The following KIAA0319 variants were observed in gnomAD, a reference collection of about 807,000 sequenced individuals.
KIAA0319 encodes dyslexia-associated protein KIAA0319.
A neutral mutation model predicts 108.4 loss-of-function variants in KIAA0319; 83 were observed. The ratio of observed to expected loss-of-function variants is 0.77; its 90% CI spans 0.64 to 0.92. KIAA0319 has a LOEUF of 0.92. Ranked by LOEUF, KIAA0319 falls within the 40% of genes least tolerant of loss-of-function variation. The pLI is 0.00. For synonymous variants in KIAA0319, 484 were observed against 510.4 expected (o/e 0.95, Z 0.70); for missense variants, 1,195 against 1,322.4 (o/e 0.90, Z 1.49).
In KIAA0319 at chr6:24,578,197, A is replaced by G. The variant is rs776207949; in HGVS notation, c.1418T>C (p.Ile473Thr). 6.2e-7 allele frequency: 1 copy of G among 1,608,544 alleles called. No homozygotes were observed. Among genetic ancestry groups the G allele is most frequent in the Non-Finnish European group, 8.5e-7 (1 of 1,175,270 alleles). The change falls in exon 9 of 21, where the codon ATA becomes ACA. Residue 473 changes from isoleucine to threonine, a missense_variant. Ile to Thr is a moderately conservative substitution (Grantham distance 89). Transcript: ENST00000378214. ...TEIVSYHWEEINGPFIEEKTS... is the reference protein window; with the variant it reads ...TEIVSYHWEETNGPFIEEKTS... The stretch of plus-strand genomic sequence containing the variant: ...CTTCTCTTCTATGAAGGGCCCGTTT[A>G]TTTCTTCCCAATGATAACTCACTAT...
chr6:24,627,012 G>A (rs562338339), intron 1 of KIAA0319, among the ~76,000 whole-genome samples: 59 of 152,200 alleles, frequency 3.9e-4, no homozygotes, highest in African/African-American at 1.3e-3. Flanking sequence ...GATAATTCAT[G>A]AGCACTTCAC....
intron 19 of KIAA0319, among the ~76,000 whole-genome samples, chr6:24,552,898 C>A (rs1482233892): frequency 3.9e-5 from 6 of 152,132 alleles, no homozygotes; most frequent in Non-Finnish European, 8.8e-5. Context: ...AGCCACCTAG[C>A]CCAGATTAAA....
chr6:24,602,964 T>A lies in KIAA0319; in HGVS notation c.-105-1756A>T, dbSNP rs146225857. Among the ~76,000 whole-genome samples, 449 of 152,312 alleles carry A rather than the reference T, an allele frequency of 2.9e-3. 1 individual carries two copies. Among genetic ancestry groups the A allele is most frequent in the African/African-American group, 0.01 (418 of 41,564 alleles). On this transcript the variant is annotated intron_variant, in intron 1 of 20. Transcript: ENST00000378214. ...ATACCTTCATGTGTCAGTTATATGTTCCTTTTTACATATGCACAAGAATGA... is the reference window on the plus strand; with the variant it reads ...ATACCTTCATGTGTCAGTTATATGTACCTTTTTACATATGCACAAGAATGA...
intron 2 of KIAA0319, among the ~76,000 whole-genome samples, chr6:24,600,044 A>C (rs1770393025): frequency 6.9e-6 from 1 of 144,832 alleles, no homozygotes; most frequent in Non-Finnish European, 1.5e-5. Flanking sequence ...AAAAAAAAAA[A>C]AGGAAGATGA....
intron 19 of KIAA0319, among the ~76,000 whole-genome samples, chr6:24,553,175 C>T (rs1253716163): frequency 1.3e-5 from 2 of 151,386 alleles, no homozygotes; most frequent in Non-Finnish European, 2.9e-5. Context: ...TATTGCTTTA[C>T]ATAATGAAAA....
intron 4 of KIAA0319, among the ~76,000 whole-genome samples, chr6:24,584,431 TAAAAAAAAAAA>T (rs5874993): frequency 1.1e-5 from 1 of 91,272 alleles, no homozygotes; most frequent in African/African-American, 4.6e-5. Context: ...AGCAAAGATT[TAAAAAAAAAAA>T]AAAAAAAAAA....
At chr6:24,566,310 G>A (rs1203886242) in intron 14 of KIAA0319, among the ~76,000 whole-genome samples, 1 of 152,206 alleles carries the variant, frequency 6.6e-6, no homozygotes, top group African/African-American at 2.4e-5. Context: ...GTCCTTATAA[G>A]AAGAGACACC....
At chr6:24,563,666 C>T (rs949912852) in intron 15 of KIAA0319, 148 bp from the exon 16 acceptor site, 9 of 611,360 alleles carry the variant, frequency 1.5e-5, no homozygotes, top group Middle Eastern at 2.9e-4. Context: ...TTCTAAACAC[C>T]GCAAAGGCCA....
Position 24,599,696 on chromosome 6 carries a change from C to T in KIAA0319, c.55+1353G>A, listed in dbSNP as rs1770315375. 1.7e-6 allele frequency: 1 copy of T among 601,518 alleles called. No individual in the cohort carries two copies. The highest frequency in any genetic ancestry group is 3.1e-6 in the Non-Finnish European group (1 of 326,238). 37.3% of individuals were successfully genotyped at this position (601,518 alleles called of 1,614,324 possible). A position where few individuals can be genotyped will look rare whatever the true frequency, so the allele number is the denominator to read the frequency against. Reference sequence around the variant, plus strand: ...CTGGCGGGTGCTCCAGCTCCTTCAGCAGCACCAACTCCTTCAGGGCCATGG... The same window carrying T: ...CTGGCGGGTGCTCCAGCTCCTTCAGTAGCACCAACTCCTTCAGGGCCATGG... On this transcript the variant is annotated intron_variant, in intron 2 of 20. Coordinates refer to ENST00000378214, the MANE Select transcript of KIAA0319 (RefSeq NM_014809.4). The surrounding 1 kb of genome is among the most constrained non-coding windows in gnomAD (Gnocchi z 4.1).
At position 24,578,661 on chromosome 6, in the gene KIAA0319, A is replaced by G. The variant is rs73727993; in HGVS notation, c.1373-419T>C. Among the ~76,000 whole-genome samples the G allele has an allele frequency of 5.2e-3, 798 of 152,360 alleles. 9 individuals are homozygous for G. The highest frequency in any genetic ancestry group is 0.018 in the African/African-American group (755 of 41,588). ...TTCTACAACTTACAAAACATCTTTT[A>G]CTACCTTAATTATTAAGGGGTAAAT... On this transcript the variant is annotated intron_variant, in intron 8 of 20. Transcript: ENST00000378214.
rs1770200932 is a variant in KIAA0319 at position 24,599,070 on chromosome 6, T to C, written c.55+1979A>G. ...GATCCAGGAGCTGCAGTCCCAGATC[T>C]GGGACACATCTGTGGTGCTGTCCAT... On this transcript the variant is annotated intron_variant, in intron 2 of 20. Transcript: ENST00000378214. The surrounding 1 kb of genome is among the most constrained non-coding windows in gnomAD (Gnocchi z 4.1). 4.0e-6 allele frequency: 3 copies of C among 742,792 alleles called. No homozygotes were observed. The highest frequency in any genetic ancestry group is 5.2e-5 in the East Asian group (2 of 38,806). 46.0% of individuals were successfully genotyped at this position (742,792 alleles called of 1,614,324 possible).
chr6:24,550,455 G>A (rs1217386497), intron 20 of KIAA0319, among the ~76,000 whole-genome samples: 5 of 152,232 alleles, frequency 3.3e-5, no homozygotes, highest in Admixed American at 3.3e-4. Flanking sequence ...GTGTTTAGCA[G>A]CCTCAGAGGG....
chr6:24,617,218 T>A (rs1434560628), intron 1 of KIAA0319, among the ~76,000 whole-genome samples: 1 of 152,046 alleles, frequency 6.6e-6, no homozygotes, highest in African/African-American at 2.4e-5. Flanking sequence ...TGTCCAATAT[T>A]AGGATATGAT....
At position 24,596,207 on chromosome 6, in the gene KIAA0319, T is replaced by C. The variant is rs1398942254; in HGVS notation, c.467A>G (p.Tyr156Cys). ...CTCCAGCTCCCGGTAGTCATCTGAG[T>C]ACTCAGACATCTCCTCTAGGCCCCA... ...KDWGLEEMSE[Y>C]SDDYRELEKD... The change falls in exon 3 of 21, where the codon TAC becomes TGC. Residue 156 changes from tyrosine (Y) to cysteine (C), a missense_variant. Physicochemically the swap from Tyr to Cys is radical, Grantham distance 194. Transcript: ENST00000378214. 3 of 1,614,152 alleles carry C rather than the reference T, an allele frequency of 1.9e-6. No individual in the cohort carries two copies. The highest frequency in any genetic ancestry group is 1.7e-6 in the Non-Finnish European group (2 of 1,180,038).
chr6:24,548,649 G>T (rs1760989648), intron 20 of KIAA0319, among the ~76,000 whole-genome samples: 1 of 152,192 alleles, frequency 6.6e-6, no homozygotes, highest in African/African-American at 2.4e-5. Context: ...GACGGGGAAG[G>T]TCATGGAGTA....
intron 2 of KIAA0319, chr6:24,600,799 A>G (rs1770513017): frequency 1.3e-6 from 1 of 771,952 alleles, no homozygotes; most frequent in Non-Finnish European, 2.0e-6. Flanking sequence ...ATATATAAAC[A>G]TAAAGTTTTC....
chr6:24,596,404 G>A lies in KIAA0319; in HGVS notation c.270C>T (p.Pro90=), dbSNP rs1366397119. The A allele has an allele frequency of 6.2e-7, 1 of 1,614,192 alleles. No homozygotes were observed. Among genetic ancestry groups the A allele is most frequent in the Non-Finnish European group, 8.5e-7 (1 of 1,180,028 alleles). The change falls in exon 3 of 21, where the codon CCC becomes CCT. Residue 90 remains proline (P), a synonymous_variant. Coordinates refer to ENST00000378214, the MANE Select transcript of KIAA0319 (RefSeq NM_014809.4). ...VSCPHKENCE[P]KKMGPIRSYL... Reference sequence around the variant, plus strand: ...AAGACCTGATGGGGCCCATCTTCTTGGGCTCACAGTTCTCTTTGTGGGGGC... The same window carrying A: ...AAGACCTGATGGGGCCCATCTTCTTAGGCTCACAGTTCTCTTTGTGGGGGC...
chr6:24,567,613 A>G (rs546934252), intron 13 of KIAA0319, among the ~76,000 whole-genome samples: 10 of 152,340 alleles, frequency 6.6e-5, no homozygotes, highest in Non-Finnish European at 7.3e-5. Flanking sequence ...AGGTGAGAGA[A>G]TCACTTGAGA....
intron 5 of KIAA0319, chr6:24,583,242 G>T: frequency 5.0e-6 from 5 of 997,852 alleles, no homozygotes; most frequent in Non-Finnish European, 6.0e-6. Context: ...ACAAACCTAT[G>T]GGTGCACGCC....
Sources: allele counts gnomAD v4.1 joint callset (sites outside exome capture counted in the v4.1 genomes callset), GRCh38; gene constraint gnomAD v4.1.1; non-coding constraint Gnocchi (gnomAD v3.1); transcripts MANE v1.5; gene names NCBI Gene and HGNC (gene_info 2026-07-23, HGNC 2026-07-21).